Variants in NELL1 observed in about 807,000 individuals in gnomAD.
NELL1 encodes the protein protein kinase C-binding protein NELL1.
NELL1 carries 76 observed loss-of-function variants against 107.4 expected under a neutral mutation model. That is an observed-to-expected ratio of 0.71 (90% CI 0.59 to 0.86). NELL1 has a LOEUF of 0.86. NELL1 is among the 40% of genes least tolerant of loss of function. The probability of loss-of-function intolerance (pLI) is 0.00; values close to 1 mark genes in which losing one functional copy is unlikely to be tolerated. For synonymous variants in NELL1, 353 were observed against 341.2 expected (o/e 1.03, Z -0.38); for missense variants, 1,024 against 1,005.5 (o/e 1.02, Z -0.25).
intron 13 of NELL1, among the ~76,000 whole-genome samples, chr11:21,226,089 A>G (rs997219052): frequency 6.6e-6 from 1 of 152,118 alleles, no homozygotes; most frequent in Admixed American, 6.5e-5. Context: ...GGCAACTGGA[A>G]AGGAATGTGA....
intron 4 of NELL1, among the ~76,000 whole-genome samples, chr11:20,862,605 C>CTTTTTTTTTCTT (rs1848998262): frequency 1.1e-5 from 1 of 94,650 alleles, no homozygotes; most frequent in African/African-American, 4.0e-5. Context: ...TGAGCTGCTG[C>CTTTTTTTTTCTT]TTTTTTTTTT....
intron 14 of NELL1, among the ~76,000 whole-genome samples, chr11:21,346,174 T>A (rs563537203): frequency 6.6e-6 from 1 of 152,288 alleles, no homozygotes; most frequent in South Asian, 2.1e-4. Flanking sequence ...TCTCTCTTCC[T>A]CTGTCTCTCT....
At chr11:20,858,719 C>T (rs539639404) in intron 4 of NELL1, among the ~76,000 whole-genome samples, 1 of 152,292 alleles carries the variant, frequency 6.6e-6, no homozygotes, top group South Asian at 2.1e-4. Context: ...GCTATCATAG[C>T]CCCCTGGGGG....
At chr11:20,694,252 A>G (rs1377150118) in intron 2 of NELL1, among the ~76,000 whole-genome samples, 1 of 152,062 alleles carries the variant, frequency 6.6e-6, no homozygotes, top group African/African-American at 2.4e-5. Context: ...AGCTCGGAGT[A>G]GTTTGATCAT....
intron 14 of NELL1, among the ~76,000 whole-genome samples, chr11:21,347,639 A>G (rs978758282): frequency 2.6e-5 from 4 of 152,130 alleles, no homozygotes; most frequent in Non-Finnish European, 5.9e-5. Flanking sequence ...AAACCATAAC[A>G]GGACATTTAC....
intron 13 of NELL1, among the ~76,000 whole-genome samples, chr11:21,126,597 C>T (rs1015638887): frequency 4.6e-5 from 7 of 152,260 alleles, no homozygotes; most frequent in East Asian, 1.9e-4. Flanking sequence ...AAAGCCCAAC[C>T]CAATGACTGA....
chr11:20,799,439 C>G (rs1431130436), intron 3 of NELL1, among the ~76,000 whole-genome samples: 1 of 152,160 alleles, frequency 6.6e-6, no homozygotes, highest in Non-Finnish European at 1.5e-5. Context: ...CCATAGTGTT[C>G]CTTGGAAATC....
intron 3 of NELL1, among the ~76,000 whole-genome samples, chr11:20,807,504 C>T (rs1467752384): frequency 6.6e-6 from 1 of 152,346 alleles, no homozygotes; most frequent in Non-Finnish European, 1.5e-5. Context: ...ATGAAGCCAG[C>T]ACAACACTGG....
intron 16 of NELL1, among the ~76,000 whole-genome samples, chr11:21,543,891 G>C (rs1234123235): frequency 6.6e-6 from 1 of 151,978 alleles, no homozygotes; most frequent in Non-Finnish European, 1.5e-5. Context: ...AAGCCTATAA[G>C]TTGTTTTCTA....
intron 15 of NELL1, among the ~76,000 whole-genome samples, chr11:21,398,134 T>C (rs1358659013): frequency 6.6e-6 from 1 of 151,678 alleles, no homozygotes; most frequent in Non-Finnish European, 1.5e-5. Context: ...TCATAAACCA[T>C]TTTTAATTTA....
chr11:20,692,353 C>T (rs375933451), intron 2 of NELL1, among the ~76,000 whole-genome samples: 5 of 151,796 alleles, frequency 3.3e-5, no homozygotes, highest in East Asian at 1.9e-4. Context: ...GCTCTTGCTT[C>T]TCTAGTTCTT....
chr11:20,930,153 A>T (rs1055329898), intron 9 of NELL1, among the ~76,000 whole-genome samples: 7 of 152,104 alleles, frequency 4.6e-5, no homozygotes, highest in Admixed American at 6.5e-5. Context: ...ACGTTTTTTT[A>T]AAATTATAAA....
rs191473945 is a variant in NELL1, at chr11:21,516,012, G to C, written c.1646-18362G>C. Among the ~76,000 whole-genome samples the C allele has an allele frequency of 5.9e-5, 9 of 152,318 alleles. No individual in the cohort carries two copies. The East Asian group carries it at 1.7e-3, about 29-fold the overall frequency. The stretch of plus-strand genomic sequence containing the variant: ...GTTTCTACATCTTCCTCCCACAGCA[G>C]ACTGTGAGATCCCCGAGGGCAGAAG... On this transcript the variant is annotated intron_variant, in intron 15 of 19. Coordinates refer to ENST00000357134, the MANE Select transcript of NELL1 (RefSeq NM_006157.5).
At position 20,967,334 on chromosome 11, in the gene NELL1, C is replaced by CT. The variant is rs376816350; in HGVS notation, c.1300+6785dup. Among the ~76,000 whole-genome samples the CT allele has an allele frequency of 7.2e-3, 1,063 of 147,114 alleles. 13 individuals carry two copies. The highest frequency in any genetic ancestry group is 0.022 in the African/African-American group (888 of 40,416). ...TCTAATTATTCCAATACTTAGGTAA[C>CT]TTTTTTTTTTTACATTTTTTACATT... On this transcript the variant is annotated intron_variant, in intron 12 of 19. Transcript: ENST00000357134.
chr11:20,894,276 C>T (rs1424131139), intron 5 of NELL1, among the ~76,000 whole-genome samples: 2 of 152,218 alleles, frequency 1.3e-5, no homozygotes, highest in East Asian at 3.9e-4. Context: ...AAGACTGATC[C>T]ATTGGAATAT....
At chr11:21,140,630 A>G (rs1855844533) in intron 13 of NELL1, among the ~76,000 whole-genome samples, 1 of 152,228 alleles carries the variant, frequency 6.6e-6, no homozygotes, top group South Asian at 2.1e-4. Flanking sequence ...AAGGTCTGAC[A>G]TGGTAAAATT....
At chr11:20,844,410 A>G (rs932536619) in intron 3 of NELL1, among the ~76,000 whole-genome samples, 1 of 152,196 alleles carries the variant, frequency 6.6e-6, no homozygotes, top group African/African-American at 2.4e-5. Context: ...GGAACAACAC[A>G]CTTGGCTGAG....
At chr11:20,964,743 G>T (rs537643470) in intron 12 of NELL1, among the ~76,000 whole-genome samples, 3 of 152,308 alleles carry the variant, frequency 2.0e-5, no homozygotes, top group Admixed American at 1.3e-4. Flanking sequence ...CTAATGAAAT[G>T]TGAGTGGACG....
chr11:21,258,549 C>G (rs1858827053), intron 14 of NELL1, among the ~76,000 whole-genome samples: 1 of 151,870 alleles, frequency 6.6e-6, no homozygotes, highest in Non-Finnish European at 1.5e-5. Context: ...GAAAGGCAGG[C>G]AGGAGAATTT....
Sources: gnomAD v4.1 joint callset for allele counts (sites outside exome capture counted in the v4.1 genomes callset) on GRCh38, gnomAD v4.1.1 for gene constraint, MANE v1.5 for transcripts, NCBI Gene and HGNC (gene_info 2026-07-23, HGNC 2026-07-21) for gene names.